Variants in C1orf21 observed in about 807,000 individuals in gnomAD.
C1orf21 encodes the protein uncharacterized protein C1orf21.
A neutral mutation model predicts 18.7 loss-of-function variants in C1orf21; 3 were observed. The ratio of observed to expected loss-of-function variants is 0.16; its 90% CI spans 0.07 to 0.42. The LOEUF is 0.42. Among genes scored for constraint, C1orf21 ranks in the 10% least tolerant of loss-of-function variants. The pLI, the probability that C1orf21 is intolerant of heterozygous loss-of-function variation, is 0.99. For missense variants in C1orf21, 104 were observed against 143.6 expected, an observed-to-expected ratio of 0.72 and a Z score of 1.41; for synonymous variants, 41 against 46.4, an observed-to-expected ratio of 0.88 and a Z score of 0.47.
chr1:184,458,285 A>T (rs1016778823), intron 1 of C1orf21, among the ~76,000 whole-genome samples: 3 of 152,114 alleles, frequency 2.0e-5, no homozygotes, highest in Non-Finnish European at 4.4e-5. Context: ...CTATTTTATT[A>T]TGTAAGATAC....
intron 2 of C1orf21, among the ~76,000 whole-genome samples, chr1:184,490,652 G>T (rs35040136): frequency 0.052 from 7,906 of 152,156 alleles, 292 homozygotes; most frequent in Non-Finnish European, 0.07. Context: ...CATAGACAAT[G>T]TAAGAATCAT....
At chr1:184,431,061 G>A (rs1000215322) in intron 1 of C1orf21, among the ~76,000 whole-genome samples, 9 of 152,166 alleles carry the variant, frequency 5.9e-5, no homozygotes, top group East Asian at 1.9e-4. Flanking sequence ...GTGAGTCAGC[G>A]TTCACTCATG....
intron 2 of C1orf21, among the ~76,000 whole-genome samples, chr1:184,487,193 G>A (rs1434941820): frequency 6.6e-6 from 1 of 152,204 alleles, no homozygotes; most frequent in Non-Finnish European, 1.5e-5. Context: ...ACTCCTGGCT[G>A]GTGTGACTGA....
chr1:184,553,509 A>G (rs1658840567), intron 3 of C1orf21, among the ~76,000 whole-genome samples: 1 of 152,216 alleles, frequency 6.6e-6, no homozygotes, highest in Non-Finnish European at 1.5e-5. Flanking sequence ...CCCGTTTTAC[A>G]GAAATAGGCT....
At chr1:184,459,075 T>G (rs1339041580) in intron 1 of C1orf21, among the ~76,000 whole-genome samples, 2 of 152,224 alleles carry the variant, frequency 1.3e-5, no homozygotes, top group Admixed American at 1.3e-4. Flanking sequence ...TATGAAGTAC[T>G]TTTTTTCCAT....
At chr1:184,457,204 A>G (rs1657210872) in intron 1 of C1orf21, among the ~76,000 whole-genome samples, 1 of 152,238 alleles carries the variant, frequency 6.6e-6, no homozygotes, top group Non-Finnish European at 1.5e-5. Context: ...CTTGTTGAGG[A>G]CATAGAAGTG....
intron 3 of C1orf21, 122 bp downstream of exon 3, chr1:184,507,804 A>C: frequency 1.3e-6 from 1 of 755,714 alleles, no homozygotes; most frequent in Non-Finnish European, 2.1e-6. Context: ...TGCTGCAGCT[A>C]TTTATAGCTT....
intron 3 of C1orf21, among the ~76,000 whole-genome samples, chr1:184,526,796 C>CTTCA (rs796163190): frequency 1.2e-4 from 18 of 152,176 alleles, no homozygotes; most frequent in South Asian, 6.2e-4. Context: ...TCTCAACCCC[C>CTTCA]TTCATTCATT....
At chr1:184,416,527 A>G (rs2101964710) in intron 1 of C1orf21, among the ~76,000 whole-genome samples, 1 of 152,296 alleles carries the variant, frequency 6.6e-6, no homozygotes, top group Admixed American at 6.5e-5. Context: ...AATTAAAAAA[A>G]AGCAAAAATG....
chr1:184,622,318 G>C lies in C1orf21; in HGVS notation c.*2762G>C, dbSNP rs547035321. The C allele has an allele frequency of 6.6e-6, 1 of 152,420 alleles. No individual in the cohort carries two copies. Among genetic ancestry groups the C allele is most frequent in the African/African-American group, 2.4e-5 (1 of 41,562 alleles). 9.4% of individuals were successfully genotyped at this position (152,420 alleles called of 1,614,324 possible). Reference sequence around the variant, plus strand: ...GAGGGTTGATAGGCTGGCCGTGTCCGGGGTGAAATTGGAAATCCAGCTGCC... The same window carrying C: ...GAGGGTTGATAGGCTGGCCGTGTCCCGGGTGAAATTGGAAATCCAGCTGCC... On this transcript the variant is annotated 3_prime_UTR_variant, in exon 6 of 6. Transcript: ENST00000235307.
chr1:184,457,591 C>T (rs1188894954), intron 1 of C1orf21, among the ~76,000 whole-genome samples: 2 of 152,190 alleles, frequency 1.3e-5, no homozygotes, highest in East Asian at 3.8e-4. Context: ...TCATTGAAAG[C>T]TGCTGTCTCT....
intron 3 of C1orf21, among the ~76,000 whole-genome samples, chr1:184,518,017 C>A (rs1308137346): frequency 6.6e-6 from 1 of 152,130 alleles, no homozygotes; most frequent in African/African-American, 2.4e-5. Context: ...TCATTCTATT[C>A]TGTTTGTTGT....
intron 3 of C1orf21, among the ~76,000 whole-genome samples, chr1:184,533,245 C>T (rs1658496899): frequency 6.6e-6 from 1 of 152,200 alleles, no homozygotes; most frequent in Non-Finnish European, 1.5e-5. Context: ...CCTCCCACCA[C>T]ATCCTCTTCC....
chr1:184,486,111 C>T (rs1657729223), intron 2 of C1orf21, among the ~76,000 whole-genome samples: 1 of 152,186 alleles, frequency 6.6e-6, no homozygotes, highest in Non-Finnish European at 1.5e-5. Context: ...GCCAGTCGAC[C>T]TTGGCTCAGA....
intron 3 of C1orf21, among the ~76,000 whole-genome samples, chr1:184,547,355 A>G (rs1449174213): frequency 7.0e-6 from 1 of 143,184 alleles, no homozygotes; most frequent in Non-Finnish European, 1.5e-5. Context: ...AAGTTTAATC[A>G]TTCTTTGCTT....
At chr1:184,574,178 A>G (rs926924887) in intron 3 of C1orf21, among the ~76,000 whole-genome samples, 2 of 152,204 alleles carry the variant, frequency 1.3e-5, no homozygotes, top group African/African-American at 4.8e-5. Flanking sequence ...GCACTCCAGC[A>G]TGGGTAACGG....
chr1:184,441,069 C>T (rs1343024632), intron 1 of C1orf21, among the ~76,000 whole-genome samples: 4 of 152,162 alleles, frequency 2.6e-5, no homozygotes, highest in African/African-American at 9.7e-5. Context: ...GAGAAGTACC[C>T]TCTTAAAATT....
chr1:184,437,900 C>A (rs904624885), intron 1 of C1orf21, among the ~76,000 whole-genome samples: 1 of 151,874 alleles, frequency 6.6e-6, no homozygotes, highest in Admixed American at 6.6e-5. Flanking sequence ...TCCTAAGGAG[C>A]GCACAACCTA....
chr1:184,397,501 TC>T (rs1231034128), intron 1 of C1orf21, among the ~76,000 whole-genome samples: 1 of 151,942 alleles, frequency 6.6e-6, no homozygotes, highest in African/African-American at 2.4e-5. Context: ...CAGGAGAATG[TC>T]GTGAACCCAG....
Sources: allele counts gnomAD v4.1 joint callset (sites outside exome capture counted in the v4.1 genomes callset), GRCh38; gene constraint gnomAD v4.1.1; transcripts MANE v1.5; gene names NCBI Gene and HGNC (gene_info 2026-07-23, HGNC 2026-07-21).